DLG2: variants seen among roughly 807,000 people sequenced by gnomAD.
DLG2 encodes disks large homolog 2.
A neutral mutation model predicts 132.5 loss-of-function variants in DLG2; 45 were observed. The observed-to-expected ratio is 0.34, with a 90% CI of 0.27 to 0.44. The LOEUF is 0.44. DLG2 is among the 20% of genes least tolerant of loss of function. DLG2 has a pLI of 1.00. For missense variants in DLG2, 1,045 were observed against 1,196.9 expected (o/e 0.87, Z 1.87); for synonymous variants, 424 against 419.6 (o/e 1.01, Z -0.13).
chr11:84,942,152 T>C (rs1227735058), intron 6 of DLG2, among the ~76,000 whole-genome samples: 3 of 152,216 alleles, frequency 2.0e-5, no homozygotes, highest in African/African-American at 4.8e-5. Context: ...TTAGTTGGTC[T>C]GGCTAGAGGT....
intron 9 of DLG2, among the ~76,000 whole-genome samples, chr11:84,152,449 C>T (rs2095322901): frequency 6.6e-6 from 1 of 150,974 alleles, no homozygotes; most frequent in Non-Finnish European, 1.5e-5. Context: ...TGCAGTGGCG[C>T]AATCTCGGCT....
intron 6 of DLG2, among the ~76,000 whole-genome samples, chr11:84,979,662 G>C (rs2055442671): frequency 6.6e-6 from 1 of 151,978 alleles, no homozygotes; most frequent in Admixed American, 6.6e-5. Flanking sequence ...GTTGTGGGGT[G>C]GGGGAGGGCG....
chr11:83,962,430 C>T (rs2089088741), intron 14 of DLG2, among the ~76,000 whole-genome samples: 1 of 151,958 alleles, frequency 6.6e-6, no homozygotes, highest in South Asian at 2.1e-4. Context: ...CTTTGTATTC[C>T]TTTGCCAAAT....
rs537892144 is a variant in DLG2, at chr11:83,655,079, A to C, written c.1826-21754T>G. On this transcript the variant is annotated intron_variant, in intron 18 of 27. Coordinates refer to ENST00000376104, the MANE Select transcript of DLG2 (RefSeq NM_001142699.3). ...AATGAGGTGCCCTCTGTGCTCCCAC[A>C]CATCCATCCAGTGCTTTTCTCCATC... 1.9e-3 allele frequency among the ~76,000 whole-genome samples: 293 copies of C among 152,346 alleles called. 5 individuals are homozygous for C. Among genetic ancestry groups the C allele is most frequent in the Non-Finnish European group, 8.8e-5 (6 of 68,028 alleles).
intron 6 of DLG2, among the ~76,000 whole-genome samples, chr11:84,590,449 C>A (rs1227920689): frequency 6.6e-6 from 1 of 152,158 alleles, no homozygotes; most frequent in Non-Finnish European, 1.5e-5. Flanking sequence ...CCTGACAGCG[C>A]CTTCATGCTT....
intron 5 of DLG2, among the ~76,000 whole-genome samples, chr11:85,150,913 G>T (rs527302190): frequency 6.6e-6 from 1 of 152,044 alleles, no homozygotes; most frequent in South Asian, 2.1e-4. Flanking sequence ...TTGCTGGATC[G>T]TACGGTATTT....
intron 19 of DLG2, among the ~76,000 whole-genome samples, chr11:83,553,130 T>A (rs1294272848): frequency 6.6e-6 from 1 of 152,218 alleles, no homozygotes; most frequent in Non-Finnish European, 1.5e-5. Context: ...TGAACTGAAC[T>A]AAATTCAGAA....
intron 5 of DLG2, among the ~76,000 whole-genome samples, chr11:85,152,243 A>ATTT (rs1566940845): frequency 2.0e-5 from 3 of 149,110 alleles, no homozygotes; most frequent in Admixed American, 6.8e-5. Context: ...TTTATTTATT[A>ATTT]ATTTTTTTTT....
chr11:85,142,179 C>CAAA (rs2076535498), intron 5 of DLG2, among the ~76,000 whole-genome samples: 1 of 151,776 alleles, frequency 6.6e-6, no homozygotes, highest in Admixed American at 6.6e-5. Context: ...TTGATTTCTC[C>CAAA]AATCTATTAA....
chr11:84,324,482 A>G (rs1599882486), intron 7 of DLG2, among the ~76,000 whole-genome samples: 1 of 152,138 alleles, frequency 6.6e-6, no homozygotes, highest in East Asian at 1.9e-4. Context: ...GGAGGTATCA[A>G]GTTTTCAGAT....
intron 6 of DLG2, among the ~76,000 whole-genome samples, chr11:84,823,277 T>A (rs928948371): frequency 2.0e-5 from 3 of 151,802 alleles, no homozygotes; most frequent in Non-Finnish European, 4.4e-5. Context: ...ACTAGTATTA[T>A]AGAATTGAAT....
At chr11:83,885,687 G>A (rs2154079784) in intron 15 of DLG2, among the ~76,000 whole-genome samples, 1 of 152,270 alleles carries the variant, frequency 6.6e-6, no homozygotes, top group South Asian at 2.1e-4. Context: ...AATGTTAAGG[G>A]CAGCCAGAGA....
At chr11:84,882,918 CA>C (rs2087584437) in intron 6 of DLG2, among the ~76,000 whole-genome samples, 1 of 151,926 alleles carries the variant, frequency 6.6e-6, no homozygotes, top group South Asian at 2.1e-4. Flanking sequence ...ACAGAATTTT[CA>C]ATAGGAATTT....
chr11:83,852,233 G>C (rs542258334), intron 16 of DLG2, among the ~76,000 whole-genome samples: 4 of 152,328 alleles, frequency 2.6e-5, no homozygotes, highest in African/African-American at 9.6e-5. Context: ...TCTGGTAGGG[G>C]CTACGTGAGC....
chr11:84,452,032 A>G (rs1293498756), intron 7 of DLG2, among the ~76,000 whole-genome samples: 2 of 151,774 alleles, frequency 1.3e-5, no homozygotes, highest in Non-Finnish European at 2.9e-5. Context: ...AGGTATATTC[A>G]TGTGAAATAT....
intron 8 of DLG2, among the ~76,000 whole-genome samples, chr11:84,250,559 C>A (rs946384460): frequency 6.6e-6 from 1 of 152,200 alleles, no homozygotes; most frequent in Non-Finnish European, 1.5e-5. Context: ...TCAGCTAGCG[C>A]CCACTCACAA....
chr11:84,375,820 T>C (rs1479188678), intron 7 of DLG2, among the ~76,000 whole-genome samples: 1 of 152,092 alleles, frequency 6.6e-6, no homozygotes, highest in Non-Finnish European at 1.5e-5. Context: ...TATCTTAGAT[T>C]ATCATACATA....
chr11:85,265,957 T>A (rs551823720), intron 4 of DLG2, among the ~76,000 whole-genome samples: 1 of 152,210 alleles, frequency 6.6e-6, no homozygotes, highest in South Asian at 2.1e-4. Context: ...ATTACCTCAT[T>A]CTCTTGGATA....
At position 83,503,112 on chromosome 11, in the gene DLG2, C is replaced by T. The variant is rs2094516655; in HGVS notation, c.2194-18884G>A. Among the ~76,000 whole-genome samples, 5 of 151,606 alleles carry T rather than the reference C, an allele frequency of 3.3e-5. No homozygotes were observed. The South Asian group carries it at 1.0e-3, about 32-fold the overall frequency. ...TACTAAGGCAATGTGACAGTGCACGCAAAGTACTCAAGGGGCATGAAGAAG... is the reference window on the plus strand; with the variant it reads ...TACTAAGGCAATGTGACAGTGCACGTAAAGTACTCAAGGGGCATGAAGAAG... On this transcript the variant is annotated intron_variant, in intron 21 of 27. Coordinates refer to ENST00000376104, the MANE Select transcript of DLG2 (RefSeq NM_001142699.3).
Sources: gnomAD v4.1 joint callset for allele counts (sites outside exome capture counted in the v4.1 genomes callset) on GRCh38, gnomAD v4.1.1 for gene constraint, MANE v1.5 for transcripts, NCBI Gene and HGNC (gene_info 2026-07-23, HGNC 2026-07-21) for gene names.